The following DAPP1 variants were observed in gnomAD, a reference collection of about 807,000 sequenced individuals.
DAPP1 encodes dual adaptor of phosphotyrosine and 3-phosphoinositides 1, also known as dual adapter for phosphotyrosine and 3-phosphotyrosine and 3-phosphoinositide.
In DAPP1, 20 loss-of-function variants were observed where a neutral mutation model predicts 41.5. That is an observed-to-expected ratio of 0.48 (90% CI 0.34 to 0.70). DAPP1 has a LOEUF of 0.70. Ranked by LOEUF, DAPP1 falls within the 30% of genes least tolerant of loss-of-function variation. The probability of loss-of-function intolerance (pLI) is 0.01; values close to 1 mark genes in which losing one functional copy is unlikely to be tolerated. For missense variants in DAPP1, 233 were observed against 333.4 expected (o/e 0.70, Z 2.35); for synonymous variants, 113 against 116.2 (o/e 0.97, Z 0.18).
At chr4:99,829,054 AC>A (rs1216760809) in intron 1 of DAPP1, among the ~76,000 whole-genome samples, 1 of 152,184 alleles carries the variant, frequency 6.6e-6, no homozygotes, top group East Asian at 1.9e-4. Flanking sequence ...GTGTGTTCCT[AC>A]CACTTTGCAA....
At chr4:99,872,120 G>T (rs74915667), downstream of DAPP1, among the ~76,000 whole-genome samples, 2,121 of 152,340 alleles carry the variant, frequency 0.014, 15 homozygotes, top group Middle Eastern at 0.044. Context: ...AGAAATATCT[G>T]GGAGGCATTT....
intron 3 of DAPP1, among the ~76,000 whole-genome samples, chr4:99,846,220 G>T (rs1156807540): frequency 1.3e-5 from 2 of 152,088 alleles, no homozygotes; most frequent in Non-Finnish European, 2.9e-5. Flanking sequence ...GTCAACTCTT[G>T]CCCACAATAC....
In DAPP1 at chr4:99,845,769, C is replaced by T. The variant is rs1220219623; in HGVS notation, c.358+5347C>T. Among the ~76,000 whole-genome samples, 9 of 152,110 alleles carry T rather than the reference C, an allele frequency of 5.9e-5. No individual in the cohort carries two copies. The East Asian group carries it at 1.7e-3, about 29-fold the overall frequency. ...GAGGAAACTTTAAAACATAAAAAGG[C>T]TGAAAAGAAAACATCCCCCTAAATA... On this transcript the variant is annotated intron_variant, in intron 3 of 8. Coordinates refer to ENST00000512369, the MANE Select transcript of DAPP1 (RefSeq NM_014395.3).
chr4:99,835,335 C>A (rs1305715555), intron 1 of DAPP1, among the ~76,000 whole-genome samples: 3 of 152,090 alleles, frequency 2.0e-5, no homozygotes, highest in African/African-American at 7.2e-5. Flanking sequence ...TTGGTAAAGA[C>A]CCTGTCTCCA....
intron 5 of DAPP1, 58 bp from the exon 6 acceptor site, chr4:99,862,952 T>C: frequency 8.2e-7 from 1 of 1,214,128 alleles, no homozygotes; most frequent in South Asian, 1.5e-5. Context: ...AAATATTACA[T>C]TCCTGTATTC....
downstream of DAPP1, among the ~76,000 whole-genome samples, chr4:99,871,869 C>A (rs1284440717): frequency 6.6e-6 from 1 of 152,204 alleles, no homozygotes; most frequent in Admixed American, 6.5e-5. Flanking sequence ...TCTCCAGTGG[C>A]CAGACAATGA....
At chr4:99,859,115 C>A (rs532583274) in intron 4 of DAPP1, among the ~76,000 whole-genome samples, 10 of 151,972 alleles carry the variant, frequency 6.6e-5, no homozygotes, top group Non-Finnish European at 1.5e-4. Context: ...AAGGTTTCAC[C>A]ATTTTAACCA....
At chr4:99,870,330 C>CATATATATAT (rs3839158), downstream of DAPP1, among the ~76,000 whole-genome samples, 16 of 148,838 alleles carry the variant, frequency 1.1e-4, no homozygotes, top group African/African-American at 1.5e-4. Context: ...AAACAATAAA[C>CATATATATAT]ATATATATAT....
intron 2 of DAPP1, 121 bp from the exon 3 acceptor site, chr4:99,840,168 G>C (rs1427574843): frequency 5.0e-6 from 3 of 597,366 alleles, no homozygotes; most frequent in Non-Finnish European, 7.8e-6. Context: ...TGGTTTCAAT[G>C]ATTGCCTAAT....
intron 8 of DAPP1, chr4:99,866,461 A>G (rs1439243176): frequency 1.4e-6 from 1 of 736,872 alleles, no homozygotes; most frequent in Non-Finnish European, 2.5e-6. Context: ...GAAAGCTGAC[A>G]TACTTCTCTA....
chr4:99,851,663 C>G (rs931170809), intron 3 of DAPP1, among the ~76,000 whole-genome samples: 6 of 151,052 alleles, frequency 4.0e-5, no homozygotes, highest in Non-Finnish European at 7.4e-5. Flanking sequence ...GCCTCAGCCT[C>G]CCGAGTAGCT....
intron 3 of DAPP1, among the ~76,000 whole-genome samples, chr4:99,852,599 T>C (rs1560703049): frequency 6.6e-6 from 1 of 152,184 alleles, no homozygotes; most frequent in African/African-American, 2.4e-5. Flanking sequence ...GTTCAGGTCA[T>C]GTTCACTTAG....
downstream of DAPP1, among the ~76,000 whole-genome samples, chr4:99,870,724 G>A (rs1662843990): frequency 6.6e-6 from 1 of 152,188 alleles, no homozygotes; most frequent in Non-Finnish European, 1.5e-5. Flanking sequence ...TAACAGGTAT[G>A]AGCTTATCAT....
chr4:99,863,526 T>C (rs1426622038), intron 6 of DAPP1, among the ~76,000 whole-genome samples: 1 of 152,182 alleles, frequency 6.6e-6, no homozygotes, highest in Non-Finnish European at 1.5e-5. Flanking sequence ...CTTCCATGTG[T>C]TAAAATCCAT....
rs528347955 is a variant in DAPP1, at chr4:99,817,611, A to G, written c.101+597A>G. On this transcript the variant is annotated intron_variant, in intron 1 of 8. Transcript: ENST00000512369. ...AGTACCAACAATCCAGGAAGAGGAT[A>G]AAATTTCTGCTTCAAACAGGTAAGC... Among the ~76,000 whole-genome samples the G allele has an allele frequency of 3.9e-5, 6 of 152,316 alleles. No homozygotes were observed. The South Asian group carries it at 1.2e-3, about 32-fold the overall frequency.
chr4:99,846,385 T>A (rs1723665137), intron 3 of DAPP1, among the ~76,000 whole-genome samples: 1 of 152,158 alleles, frequency 6.6e-6, no homozygotes, highest in Non-Finnish European at 1.5e-5. Flanking sequence ...AGTTAAATAA[T>A]CTCTCTGAGC....
At chr4:99,865,233 T>C (rs2110169024) in intron 7 of DAPP1, 1 of 152,310 alleles carries the variant, frequency 6.6e-6, no homozygotes, top group African/African-American at 2.4e-5. Context: ...TGAAGGCTTT[T>C]TCACAAAAAG....
Position 99,825,506 on chromosome 4 carries a change from C to T in DAPP1, c.101+8492C>T, listed in dbSNP as rs534214591. 5.3e-5 allele frequency among the ~76,000 whole-genome samples: 8 copies of T among 152,348 alleles called. No individual in the cohort carries two copies. The South Asian group carries it at 1.7e-3, about 32-fold the overall frequency. ...CAGATCAATGAGATATTTGCATGCTCCGCCTCTGTCATCACTCAGGTCTGT... is the reference window on the plus strand; with the variant it reads ...CAGATCAATGAGATATTTGCATGCTTCGCCTCTGTCATCACTCAGGTCTGT... On this transcript the variant is annotated intron_variant, in intron 1 of 8. Coordinates refer to ENST00000512369, the MANE Select transcript of DAPP1 (RefSeq NM_014395.3).
intron 1 of DAPP1, among the ~76,000 whole-genome samples, chr4:99,825,027 T>C (rs761800627): frequency 1.3e-5 from 2 of 152,298 alleles, no homozygotes; most frequent in Non-Finnish European, 2.9e-5. Context: ...GGTCCATCTC[T>C]GAGTCAGGCT....
Sources: allele counts gnomAD v4.1 joint callset (sites outside exome capture counted in the v4.1 genomes callset), GRCh38; gene constraint gnomAD v4.1.1; transcripts MANE v1.5; gene names NCBI Gene and HGNC (gene_info 2026-07-23, HGNC 2026-07-21).